STK24: variants seen among roughly 807,000 people sequenced by gnomAD.
STK24 encodes the protein serine/threonine-protein kinase 24.
Under a neutral mutation model 55.6 loss-of-function variants are expected in STK24, and 21 were observed. The ratio of observed to expected loss-of-function variants is 0.38; its 90% CI spans 0.27 to 0.54. The LOEUF (loss-of-function observed/expected upper bound fraction) is 0.54. Ranked by LOEUF, STK24 falls within the 20% of genes least tolerant of loss-of-function variation. The pLI is 0.79. For synonymous variants in STK24, 200 were observed against 215.2 expected, an observed-to-expected ratio of 0.93 and a Z score of 0.62; for missense variants, 383 against 538.4, an observed-to-expected ratio of 0.71 and a Z score of 2.86.
chr13:98,514,163 G>A (rs1419006920), intron 2 of STK24, among the ~76,000 whole-genome samples: 2 of 152,188 alleles, frequency 1.3e-5, no homozygotes, highest in Admixed American at 6.5e-5. Flanking sequence ...CCAAACTAGG[G>A]TGCATCTGAA....
At position 98,537,552 on chromosome 13, in the gene STK24, G is replaced by A. The variant is rs1488470489; in HGVS notation, c.43-18079C>T. Among the ~76,000 whole-genome samples, 4 of 152,246 alleles carry A rather than the reference G, an allele frequency of 2.6e-5. No homozygotes were observed. The East Asian group carries it at 5.8e-4, about 22-fold the overall frequency. ...CGGGCCACGCACTGGCCAGGGTGCC[G>A]GCCTCACTACCCACAGCAGGACAGG... On this transcript the variant is annotated intron_variant, in intron 1 of 10. Transcript: ENST00000539966.
At chr13:98,563,591 G>A (rs1897487793) in intron 1 of STK24, among the ~76,000 whole-genome samples, 1 of 152,158 alleles carries the variant, frequency 6.6e-6, no homozygotes, top group African/African-American at 2.4e-5. Flanking sequence ...GGGCGTGGTG[G>A]CTCACGCCTG....
At chr13:98,510,823 T>C (rs1895855983) in intron 2 of STK24, among the ~76,000 whole-genome samples, 1 of 152,248 alleles carries the variant, frequency 6.6e-6, no homozygotes, top group Admixed American at 6.5e-5. Flanking sequence ...ATTGTGGTGA[T>C]GGCTGCACCG....
intron 2 of STK24, among the ~76,000 whole-genome samples, chr13:98,489,326 G>C (rs538190399): frequency 6.6e-6 from 1 of 152,334 alleles, no homozygotes; most frequent in East Asian, 1.9e-4. Context: ...CAAGCCTGTT[G>C]CCTATTTTAC....
intron 5 of STK24, among the ~76,000 whole-genome samples, chr13:98,473,449 T>C (rs976350543): frequency 5.3e-5 from 8 of 151,140 alleles, no homozygotes; most frequent in Admixed American, 2.6e-4. Flanking sequence ...TGAACTTTGA[T>C]AAATGGGGTC....
Position 98,503,024 on chromosome 13 carries a change from G to GTTTTTTTTTTTTTTTTTTTTTTT in STK24, c.273+16218_273+16219insAAAAAAAAAAAAAAAAAAAAAAA, listed in dbSNP as rs398038978. Among the ~76,000 whole-genome samples the GTTTTTTTTTTTTTTTTTTTTTTT allele has an allele frequency of 3.7e-5, 4 of 107,082 alleles. 1 individual carries two copies. The highest frequency in any genetic ancestry group is 1.6e-4 in the African/African-American group (4 of 25,008). The allele number at this position is 107,082 out of a possible 152,430, so 70.2% of individuals were successfully genotyped here. Reference sequence around the variant, plus strand: ...AATATATTAGAAATACTTTCCATGTGTTTTTTTTTTTTTTTTTCAGTATGG... The same window carrying GTTTTTTTTTTTTTTTTTTTTTTT: ...AATATATTAGAAATACTTTCCATGTGTTTTTTTTTTTTTTTTTTTTTTTTTTTTTTTTTTTTTTTTCAGTATGG... On this transcript the variant is annotated intron_variant, in intron 2 of 10. Coordinates refer to ENST00000539966, the MANE Select transcript of STK24 (RefSeq NM_001032296.4).
At chr13:98,472,496 C>T (rs557740393) in intron 5 of STK24, among the ~76,000 whole-genome samples, 4 of 152,268 alleles carry the variant, frequency 2.6e-5, no homozygotes, top group South Asian at 2.1e-4. Flanking sequence ...CTTTTTTCCA[C>T]GGCACTTTGC....
chr13:98,543,129 C>T, intron 1 of STK24: 1 of 520,038 alleles, frequency 1.9e-6, no homozygotes, highest in East Asian at 1.5e-4. Flanking sequence ...TGCCATCCTC[C>T]AAAGTTTACA....
chr13:98,525,201 T>C (rs1021091196), intron 1 of STK24, among the ~76,000 whole-genome samples: 3 of 152,234 alleles, frequency 2.0e-5, no homozygotes, highest in Admixed American at 6.5e-5. Context: ...GGAAAGTAGA[T>C]TTCCTTGGCA....
At chr13:98,559,679 T>G (rs1458536379) in intron 1 of STK24, among the ~76,000 whole-genome samples, 1 of 152,206 alleles carries the variant, frequency 6.6e-6, no homozygotes, top group Non-Finnish European at 1.5e-5. Context: ...CCTCTTTTTC[T>G]TAAAGTGTAC....
intron 1 of STK24, among the ~76,000 whole-genome samples, chr13:98,538,795 T>G (rs1896805147): frequency 6.6e-6 from 1 of 152,178 alleles, no homozygotes; most frequent in Admixed American, 6.5e-5. Flanking sequence ...GGTTCATCAC[T>G]GCCACTGCCT....
intron 3 of STK24, among the ~76,000 whole-genome samples, chr13:98,481,007 T>C (rs550611087): frequency 6.6e-5 from 10 of 152,214 alleles, no homozygotes; most frequent in Non-Finnish European, 1.5e-4. Context: ...GTCATCCTGA[T>C]GGCCGCCTAT....
intron 2 of STK24, among the ~76,000 whole-genome samples, chr13:98,489,173 T>C (rs1157080669): frequency 6.6e-6 from 1 of 152,202 alleles, no homozygotes; most frequent in East Asian, 1.9e-4. Flanking sequence ...CCGGGACTAA[T>C]GTGCATGCTC....
At chr13:98,492,546 C>T (rs559637746) in intron 2 of STK24, among the ~76,000 whole-genome samples, 1 of 152,350 alleles carries the variant, frequency 6.6e-6, no homozygotes, top group Admixed American at 6.5e-5. Flanking sequence ...AGCCCACCCC[C>T]AGGTGGGCAG....
In STK24 at chr13:98,508,904, G is replaced by A. The variant is rs565373112; in HGVS notation, c.273+10339C>T. ...AAAGCTGTTTCATCAGTTCTCAAAG[G>A]GATGGTCAAGCTTGAGGAATGTGAC... On this transcript the variant is annotated intron_variant, in intron 2 of 10. Transcript: ENST00000539966. 2.2e-5 allele frequency: 3 copies of A among 139,110 alleles called. No homozygotes were observed. The East Asian group carries it at 7.1e-4, about 33-fold the overall frequency. 8.6% of individuals were successfully genotyped at this position (139,110 alleles called of 1,614,324 possible).
In STK24 at chr13:98,449,744, C is replaced by T. The variant is rs1397758350; in HGVS notation, c.*3429G>A. ...AAAAATACCTCACGCCACAATCCAG[C>T]ATATTGATGTTTTAAGGCAAAACAA... is the stretch of plus-strand genomic sequence containing the variant. On this transcript the variant is annotated 3_prime_UTR_variant, in exon 11 of 11. Transcript: ENST00000539966. 6.7e-6 allele frequency: 1 copy of T among 150,124 alleles called. No homozygotes were observed. Among genetic ancestry groups the T allele is most frequent in the East Asian group, 2.0e-4 (1 of 5,044 alleles). 9.3% of individuals were successfully genotyped at this position (150,124 alleles called of 1,614,324 possible).
intron 2 of STK24, among the ~76,000 whole-genome samples, chr13:98,494,939 C>T (rs752438733): frequency 2.6e-5 from 4 of 152,192 alleles, no homozygotes; most frequent in Non-Finnish European, 4.4e-5. Flanking sequence ...GCATCCAGCA[C>T]AGAAGGAACC....
chr13:98,556,674 G>C (rs1257227699), intron 1 of STK24, among the ~76,000 whole-genome samples: 1 of 152,132 alleles, frequency 6.6e-6, no homozygotes, highest in Non-Finnish European at 1.5e-5. Context: ...TCACCCACCT[G>C]GGTTAAAATG....
chr13:98,478,592 T>C (rs1451654857), intron 3 of STK24, among the ~76,000 whole-genome samples: 1 of 151,990 alleles, frequency 6.6e-6, no homozygotes, highest in Admixed American at 6.6e-5. Context: ...GGGGGAGAAA[T>C]AAATTTCTAT....
Sources: gnomAD v4.1 joint callset for allele counts (sites outside exome capture counted in the v4.1 genomes callset) on GRCh38, gnomAD v4.1.1 for gene constraint, MANE v1.5 for transcripts, NCBI Gene and HGNC (gene_info 2026-07-23, HGNC 2026-07-21) for gene names.